Variants in CCNJL observed in about 807,000 individuals in gnomAD.
The protein encoded by CCNJL is cyclin J like, also known as cyclin-J-like protein.
In CCNJL, 33 loss-of-function variants were observed where a neutral mutation model predicts 33.4. That is an observed-to-expected ratio of 0.99 (90% CI 0.75 to 1.32). CCNJL has a LOEUF of 1.32. CCNJL is among the 40% of genes most tolerant of loss of function. CCNJL has a pLI of 0.00. For synonymous variants in CCNJL, 227 were observed against 220.9 expected (o/e 1.03, Z -0.24); for missense variants, 512 against 499.7 (o/e 1.02, Z -0.23).
intron 2 of CCNJL, 128 bp from the exon 3 acceptor site, chr5:160,280,866 C>T (rs895799079): frequency 4.1e-6 from 3 of 737,720 alleles, no homozygotes; most frequent in Non-Finnish European, 4.8e-6. Context: ...TCTTAGTTTT[C>T]CTGCAAGTCC....
chr5:160,307,299 G>A (rs969668942), intron 2 of CCNJL, among the ~76,000 whole-genome samples: 3 of 152,302 alleles, frequency 2.0e-5, no homozygotes, highest in Middle Eastern at 3.4e-3. Flanking sequence ...AGTCTAGTGG[G>A]TAGGACAAGT....
chr5:160,301,032 G>T (rs918688795), intron 2 of CCNJL, among the ~76,000 whole-genome samples: 1 of 152,070 alleles, frequency 6.6e-6, no homozygotes, highest in African/African-American at 2.4e-5. Flanking sequence ...CTGTGATTAG[G>T]GCTTCCACTT....
At chr5:160,261,156 C>T (rs1374142413) in intron 3 of CCNJL, 1 of 152,302 alleles carries the variant, frequency 6.6e-6, no homozygotes, top group Non-Finnish European at 1.5e-5. Context: ...AAGTAACCAC[C>T]ACAGGCTGCT....
chr5:160,312,227 A>G, intron 1 of CCNJL, 137 bp downstream of exon 1: 1 of 485,832 alleles, frequency 2.1e-6, no homozygotes, highest in Non-Finnish European at 3.7e-6. Flanking sequence ...AGTTGCAGAG[A>G]AAGTTGTCAA....
intron 1 of CCNJL, 61 bp from the exon 2 acceptor site, chr5:160,312,033 C>T (rs1763280740): frequency 1.9e-6 from 2 of 1,070,482 alleles, no homozygotes; most frequent in Non-Finnish European, 2.8e-6. Flanking sequence ...CCCCCGGTGT[C>T]CCTATCCTCT....
rs375383720 is a variant in CCNJL, at chr5:160,311,939, G to T, written c.-16C>A. On this transcript the variant is annotated 5_prime_UTR_variant, in exon 2 of 6. Coordinates refer to ENST00000257536, the MANE Select transcript of CCNJL (RefSeq NM_001308173.3). ...CATCCATCATCGCGTACGCAGCGCC[G>T]CTATCCGAGGCTACCCGGCTCTCAG... 3 of 1,613,232 alleles carry T rather than the reference G, an allele frequency of 1.9e-6. No individual in the cohort carries two copies. The highest frequency in any genetic ancestry group is 2.5e-6 in the Non-Finnish European group (3 of 1,179,338).
At chr5:160,290,860 A>C (rs1377567754) in intron 2 of CCNJL, among the ~76,000 whole-genome samples, 1 of 152,040 alleles carries the variant, frequency 6.6e-6, no homozygotes, top group Non-Finnish European at 1.5e-5. Context: ...GTATAAACCT[A>C]TTTATCATAA....
intron 1 of CCNJL, among the ~76,000 whole-genome samples, chr5:160,321,254 G>A (rs188449558): frequency 5.3e-5 from 8 of 152,070 alleles, no homozygotes; most frequent in Admixed American, 3.9e-4. Flanking sequence ...CCAGGAGGAG[G>A]AAATAAAAGG....
At chr5:160,264,978 C>A (rs1761511059) in intron 3 of CCNJL, among the ~76,000 whole-genome samples, 1 of 152,124 alleles carries the variant, frequency 6.6e-6, no homozygotes, top group Non-Finnish European at 1.5e-5. Context: ...AATGAACTCC[C>A]TTGAATGTTA....
chr5:160,281,216 G>A (rs1434976445), intron 2 of CCNJL, among the ~76,000 whole-genome samples: 1 of 152,078 alleles, frequency 6.6e-6, no homozygotes, highest in Non-Finnish European at 1.5e-5. Flanking sequence ...AAAATGCCTA[G>A]CACACCTGTG....
Position 160,253,098 on chromosome 5 carries a change from C to G in CCNJL, c.*280G>C, listed in dbSNP as rs1580936591. 2.9e-6 allele frequency: 1 copy of G among 348,566 alleles called. No individual in the cohort carries two copies. The highest frequency in any genetic ancestry group is 5.2e-6 in the Non-Finnish European group (1 of 193,264). The allele number at this position is 348,566 out of a possible 1,614,324, so 21.6% of individuals were successfully genotyped here. Reference sequence around the variant, plus strand: ...TCTCCTGGCCTCTTATCAAGTCTTTCTCGATTCACTGGGCCCCTGTGTGGG... The same window carrying G: ...TCTCCTGGCCTCTTATCAAGTCTTTGTCGATTCACTGGGCCCCTGTGTGGG... On this transcript the variant is annotated 3_prime_UTR_variant, in exon 6 of 6. Coordinates refer to ENST00000257536, the MANE Select transcript of CCNJL (RefSeq NM_001308173.3).
intron 2 of CCNJL, among the ~76,000 whole-genome samples, chr5:160,309,344 G>A (rs1376137125): frequency 6.6e-6 from 1 of 152,134 alleles, no homozygotes; most frequent in Non-Finnish European, 1.5e-5. Flanking sequence ...TTGACAAACT[G>A]GGGCTCCCAA....
chr5:160,271,901 G>A (rs1329451515), intron 3 of CCNJL, among the ~76,000 whole-genome samples: 1 of 152,236 alleles, frequency 6.6e-6, no homozygotes, highest in Non-Finnish European at 1.5e-5. Flanking sequence ...ATGAGATGTA[G>A]GGAGCTATTA....
chr5:160,259,909 G>C (rs571019807), intron 3 of CCNJL, 138 bp from the exon 4 acceptor site: 20 of 689,860 alleles, frequency 2.9e-5, no homozygotes, highest in Non-Finnish European at 4.2e-5. Context: ...GGAGGAATAG[G>C]AGCACACATT....
intron 3 of CCNJL, among the ~76,000 whole-genome samples, chr5:160,263,471 C>T (rs1350872379): frequency 6.6e-6 from 1 of 152,198 alleles, no homozygotes; most frequent in Non-Finnish European, 1.5e-5. Flanking sequence ...CTTTTCATGA[C>T]ACTGACTCTG....
At chr5:160,331,837 C>T (rs987804521) in intron 1 of CCNJL, among the ~76,000 whole-genome samples, 1 of 152,158 alleles carries the variant, frequency 6.6e-6, no homozygotes, top group Non-Finnish European at 1.5e-5. Context: ...TACTATATTT[C>T]TCTTGTCTGG....
intron 1 of CCNJL, among the ~76,000 whole-genome samples, chr5:160,320,995 T>TC (rs1763446498): frequency 1.1e-5 from 1 of 92,400 alleles, no homozygotes; most frequent in African/African-American, 5.3e-5. Flanking sequence ...TCTTTCTTTC[T>TC]TTCTCTCTCT....
intron 3 of CCNJL, among the ~76,000 whole-genome samples, chr5:160,270,866 C>T (rs939455345): frequency 3.9e-5 from 6 of 152,172 alleles, no homozygotes; most frequent in Non-Finnish European, 7.3e-5. Context: ...AGAGAACATT[C>T]CAGAACGTAG....
intron 2 of CCNJL, among the ~76,000 whole-genome samples, chr5:160,286,709 A>G (rs1355281207): frequency 4.7e-4 from 71 of 152,158 alleles, no homozygotes; most frequent in Admixed American, 4.6e-3. Context: ...TATGGCAAGT[A>G]GGGGTTAGTA....
Sources: gnomAD v4.1 joint callset for allele counts (sites outside exome capture counted in the v4.1 genomes callset) on GRCh38, gnomAD v4.1.1 for gene constraint, MANE v1.5 for transcripts, NCBI Gene and HGNC (gene_info 2026-07-23, HGNC 2026-07-21) for gene names.